The following DEPDC7 variants were observed in gnomAD, a reference collection of about 807,000 sequenced individuals.
DEPDC7 encodes DEP domain containing 7.
Under a neutral mutation model 56.6 loss-of-function variants are expected in DEPDC7, and 41 were observed. The observed-to-expected ratio is 0.72, with a 90% CI of 0.56 to 0.94. DEPDC7 has a LOEUF of 0.94. Among genes scored for constraint, DEPDC7 ranks in the 40% least tolerant of loss-of-function variants. The pLI, the probability that DEPDC7 is intolerant of heterozygous loss-of-function variation, is 0.00. For synonymous variants in DEPDC7, 185 were observed against 208.8 expected (o/e 0.89, Z 0.98); for missense variants, 522 against 596.3 (o/e 0.88, Z 1.30).
intron 1 of DEPDC7, chr11:33,016,671 A>G (rs1462691520): frequency 4.9e-6 from 7 of 1,428,404 alleles, no homozygotes; most frequent in Non-Finnish European, 6.9e-6. Flanking sequence ...ATTAGGAGGG[A>G]AGTTGGCAAA....
chr11:33,016,644 A>G, intron 1 of DEPDC7: 1 of 1,570,460 alleles, frequency 6.4e-7, no homozygotes, highest in Non-Finnish European at 8.7e-7. Context: ...TTTTGGCTAA[A>G]AAAACAGTTA....
Position 33,016,021 on chromosome 11 carries a change from G to C in DEPDC7, c.66G>C (p.Arg22Ser). The C allele has an allele frequency of 3.9e-6, 6 of 1,539,086 alleles. No homozygotes were observed. Among genetic ancestry groups the C allele is most frequent in the Non-Finnish European group, 5.2e-6 (6 of 1,142,940 alleles). The change falls in exon 1 of 9, where the codon AGG becomes AGC. Residue 22 changes from arginine to serine, a missense_variant. Transcript: ENST00000241051. The stretch of plus-strand genomic sequence containing the variant: ...CGGCTCTCCACAGCCCCGCGCACAG[G>C]CCTCCGGGTAGGTGCCGAGGACTGC... The part of the protein sequence containing the change: ...NLSALHSPAH[R>S]PPGFSVAQKP...
intron 2 of DEPDC7, chr11:33,026,318 T>G (rs982846776): frequency 2.7e-4 from 120 of 445,060 alleles, no homozygotes; most frequent in Admixed American, 2.0e-3. Flanking sequence ...CTCATACCAC[T>G]TGGTATGAGA....
In DEPDC7 at chr11:33,032,447, C is replaced by G. The variant is rs1239082234; in HGVS notation, c.1106C>G (p.Ala369Gly). The G allele has an allele frequency of 1.2e-5, 18 of 1,564,884 alleles. No individual in the cohort carries two copies. Among genetic ancestry groups the G allele is most frequent in the Non-Finnish European group, 1.5e-5 (18 of 1,166,890 alleles). Reference protein sequence around the residue: ...RRLLYFMAVAANPSEFKLQKE... With the variant: ...RRLLYFMAVAGNPSEFKLQKE... ...CTACTGTATTTCATGGCTGTTGCAG[C>G]AAATCCTTCTGAGTTTAAATTACAG... The change falls in exon 6 of 9, where the codon GCA becomes GGA. Residue 369 changes from alanine to glycine, a missense_variant. By Grantham distance (60) the Ala-to-Gly change is moderately conservative (BLOSUM62 0). Transcript: ENST00000241051.
chr11:33,028,515 C>T, intron 3 of DEPDC7, 88 bp from the exon 4 acceptor site: 1 of 1,074,454 alleles, frequency 9.3e-7, no homozygotes, highest in Non-Finnish European at 1.3e-6. Flanking sequence ...CACAAATTTA[C>T]TAGCTTAGAC....
At position 33,024,802 on chromosome 11, in the gene DEPDC7, CTGTGTGTGTGTGTGTG is replaced by C. The variant is rs35371602; in HGVS notation, c.74-835_74-820del. ...AAATGTTGTTTTGTGATGCATGACT[CTGTGTGTGTGTGTGTG>C]TGTGTGTGTGTGTGTGTGTGTATGA... is the stretch of plus-strand genomic sequence containing the variant. On this transcript the variant is annotated intron_variant, in intron 1 of 8. Coordinates refer to ENST00000241051, the MANE Select transcript of DEPDC7 (RefSeq NM_001077242.2). 6.1e-5 allele frequency among the ~76,000 whole-genome samples: 9 copies of C among 146,510 alleles called. No individual in the cohort carries two copies. The South Asian group carries it at 9.0e-4, about 15-fold the overall frequency.
intron 4 of DEPDC7, 29 bp downstream of exon 4, chr11:33,028,821 G>T (rs1853604980): frequency 6.5e-7 from 1 of 1,539,116 alleles, no homozygotes; most frequent in Admixed American, 2.0e-5. Flanking sequence ...AATAATTTGA[G>T]TGTGTTTGTA....
intron 2 of DEPDC7, among the ~76,000 whole-genome samples, chr11:33,027,276 AC>A (rs1853589216): frequency 6.6e-6 from 1 of 152,146 alleles, no homozygotes; most frequent in Non-Finnish European, 1.5e-5. Context: ...CTCTAAATAA[AC>A]CTTTGATTTT....
rs769377819 is a variant in DEPDC7, at chr11:33,032,344, A to G, written c.1003A>G (p.Lys335Glu). 11 of 1,556,222 alleles carry G rather than the reference A, an allele frequency of 7.1e-6. No individual in the cohort carries two copies. Among genetic ancestry groups the G allele is most frequent in the Non-Finnish European group, 8.6e-6 (10 of 1,162,498 alleles). ...TTTTCTTTTGGCTAAAGTGAATGGG[A>G]AGACGGAAATAGCTTTAGAAGCTAC... is the stretch of plus-strand genomic sequence containing the variant. ...NGIAELLVNG[K>E]TEIALEATQL... Residue 335 changes from lysine to glutamate, a missense_variant, in exon 6 of 9, where the codon AAG (lysine) becomes GAG (glutamate). Physicochemically the swap from Lys to Glu is moderately conservative, Grantham distance 56 (BLOSUM62 1). Coordinates refer to ENST00000241051, the MANE Select transcript of DEPDC7 (RefSeq NM_001077242.2).
Position 33,015,928 on chromosome 11 carries a change from A to G in DEPDC7, c.-28A>G. On this transcript the variant is annotated 5_prime_UTR_variant, in exon 1 of 9. Coordinates refer to ENST00000241051, the MANE Select transcript of DEPDC7 (RefSeq NM_001077242.2). ...AGCTAGGGAGCTGTGAAGCTGCTGG[A>G]GGAGTTGGCGTCCGGGGAGCAAGGG... 1.3e-6 allele frequency: 2 copies of G among 1,559,060 alleles called. No homozygotes were observed. Among genetic ancestry groups the G allele is most frequent in the Non-Finnish European group, 1.7e-6 (2 of 1,152,276 alleles).
intron 1 of DEPDC7, chr11:33,016,355 G>A: frequency 7.0e-7 from 1 of 1,421,194 alleles, no homozygotes; most frequent in Non-Finnish European, 9.1e-7. Context: ...TCCGGGATAT[G>A]CTCCGCGGTG....
rs1853639692 is a variant in DEPDC7 at position 33,032,206 on chromosome 11, G to A, written c.995-130G>A. 14 of 818,270 alleles carry A rather than the reference G, an allele frequency of 1.7e-5. No individual in the cohort carries two copies. In the South Asian group the frequency reaches 2.5e-4, roughly 15 times the overall value. 50.7% of individuals were successfully genotyped at this position (818,270 alleles called of 1,614,324 possible). A position where few individuals can be genotyped will look rare whatever the true frequency, so the allele number is the denominator to read the frequency against. On this transcript the variant is annotated intron_variant, in intron 5 of 8. Coordinates refer to ENST00000241051, the MANE Select transcript of DEPDC7 (RefSeq NM_001077242.2). ...ATTCACCATTCATTGTTAATTCCTA[G>A]TCTTGCTTTTGCTTTTGGAAATAAT...
chr11:33,028,127 T>C, intron 3 of DEPDC7: 1 of 223,558 alleles, frequency 4.5e-6, no homozygotes, highest in East Asian at 1.0e-4. Context: ...TTAGGTCAAG[T>C]AAAATTTGAA....
rs755481363 is a variant in DEPDC7, at chr11:33,025,797, C to A, written c.212C>A (p.Ala71Asp). The change falls in exon 2 of 9, where the codon GCT becomes GAT. Residue 71 changes from alanine (A) to aspartate (D), a missense_variant. Transcript: ENST00000241051. ...AATGACTGCTTTGTTGGTTCAGAAG[C>A]TGTGGATGTCATTTTTTCTCACCTA... ...RHNDCFVGSE[A>D]VDVIFSHLIQ... The A allele has an allele frequency of 1.2e-5, 20 of 1,614,040 alleles. No homozygotes were observed. Among genetic ancestry groups the A allele is most frequent in the Non-Finnish European group, 1.5e-5 (18 of 1,180,034 alleles).
chr11:33,027,032 C>CA (rs1853586584), intron 2 of DEPDC7, among the ~76,000 whole-genome samples: 1 of 152,154 alleles, frequency 6.6e-6, no homozygotes, highest in Non-Finnish European at 1.5e-5. Flanking sequence ...CTTTCAGATG[C>CA]AGGTCCACAC....
rs1853602448 is a variant in DEPDC7, at chr11:33,028,663, C to T, written c.653C>T (p.Pro218Leu). 6.2e-7 allele frequency: 1 copy of T among 1,613,450 alleles called. No individual in the cohort carries two copies. The part of the protein sequence containing the change: ...IGRLLQLVDL[P>L]LLDSLLKQQE... ...CGTCTACTACAACTTGTAGACCTTC[C>T]ACTTCTTGACTCCTTACTGAAACAG... The change falls in exon 4 of 9, where the codon CCA (proline) becomes CTA (leucine). Residue 218 changes from proline (P) to leucine (L), a missense_variant. Physicochemically the swap from Pro to Leu is moderately conservative, Grantham distance 98 (BLOSUM62 -3). Transcript: ENST00000241051.
chr11:33,019,386 C>A (rs549770939), intron 1 of DEPDC7, among the ~76,000 whole-genome samples: 1 of 151,958 alleles, frequency 6.6e-6, no homozygotes, highest in East Asian at 1.9e-4. Flanking sequence ...TTTTTATGAA[C>A]GGGGTGTAGT....
intron 3 of DEPDC7, 68 bp downstream of exon 3, chr11:33,027,881 C>A: frequency 7.1e-7 from 1 of 1,408,408 alleles, no homozygotes; most frequent in Non-Finnish European, 9.4e-7. Context: ...ATTTTTTAAT[C>A]TTAATCTTTA....
At chr11:33,016,098 G>T (rs1853455359) in intron 1 of DEPDC7, 70 bp downstream of exon 1, 1 of 1,285,196 alleles carries the variant, frequency 7.8e-7, no homozygotes, top group Non-Finnish European at 9.8e-7. Context: ...GTCCCGGCGC[G>T]GGGCGGGCGG....
Sources: allele counts gnomAD v4.1 joint callset (sites outside exome capture counted in the v4.1 genomes callset), GRCh38; gene constraint gnomAD v4.1.1; transcripts MANE v1.5; gene names NCBI Gene and HGNC (gene_info 2026-07-23, HGNC 2026-07-21).